The following WASL variants were observed in gnomAD, a reference collection of about 807,000 sequenced individuals.
WASL encodes WASP like actin nucleation promoting factor.
A neutral mutation model predicts 55.5 loss-of-function variants in WASL; 20 were observed. That is an observed-to-expected ratio of 0.36 (90% CI 0.25 to 0.52). The LOEUF is 0.52. WASL is among the 20% of genes least tolerant of loss of function. The pLI is 0.92. For synonymous variants in WASL, 249 were observed against 217.6 expected, an observed-to-expected ratio of 1.14 and a Z score of -1.27; for missense variants, 504 against 622.5, an observed-to-expected ratio of 0.81 and a Z score of 2.03.
rs78044335 is a variant in WASL, at chr7:123,717,574, T to C, written c.118-8351A>G. Among the ~76,000 whole-genome samples, 1,312 of 152,316 alleles carry C rather than the reference T, an allele frequency of 8.6e-3. 19 individuals are homozygous for C. Among genetic ancestry groups the C allele is most frequent in the African/African-American group, 0.03 (1,240 of 41,580 alleles). ...AGCTCCTGCTGGGTGTGACATACTATGATCCAACTACATGGACACTTCAGG... is the reference window on the plus strand; with the variant it reads ...AGCTCCTGCTGGGTGTGACATACTACGATCCAACTACATGGACACTTCAGG... On this transcript the variant is annotated intron_variant, in intron 1 of 10. Transcript: ENST00000223023.
chr7:123,704,577 C>A (rs1803638172), intron 5 of WASL, 57 bp downstream of exon 5: 4 of 1,370,816 alleles, frequency 2.9e-6, no homozygotes, highest in South Asian at 2.5e-5. Context: ...CATGTTTCCA[C>A]AAGGATTAAA....
chr7:123,695,718 TCAAA>T, intron 7 of WASL, 101 bp downstream of exon 7: 1 of 1,125,882 alleles, frequency 8.9e-7, no homozygotes, highest in Non-Finnish European at 1.3e-6. Flanking sequence ...ACAAGCACAT[TCAAA>T]CAGATACTAG....
chr7:123,693,196 A>G (rs1422063801), intron 8 of WASL, among the ~76,000 whole-genome samples: 1 of 152,218 alleles, frequency 6.6e-6, no homozygotes, highest in African/African-American at 2.4e-5. Flanking sequence ...TATACCAATG[A>G]AATTAAACAT....
At chr7:123,691,230 T>C (rs1267416294) in intron 9 of WASL, among the ~76,000 whole-genome samples, 1 of 152,140 alleles carries the variant, frequency 6.6e-6, no homozygotes, top group Non-Finnish European at 1.5e-5. Context: ...GTCGTCTCCA[T>C]TTACTTCACA....
At chr7:123,720,650 A>AT (rs374915810) in intron 1 of WASL, among the ~76,000 whole-genome samples, 13,896 of 137,448 alleles carry the variant, frequency 0.1, 841 homozygotes, top group South Asian at 0.15. Context: ...ACACTGTGGG[A>AT]TTTTTTTTTT....
chr7:123,733,913 C>CAAAAAAA (rs33913069), intron 1 of WASL, among the ~76,000 whole-genome samples: 5 of 110,798 alleles, frequency 4.5e-5, no homozygotes, highest in East Asian at 2.6e-4. Context: ...ATCCACGTGC[C>CAAAAAAA]AAAAAAAAAA....
chr7:123,725,015 A>T (rs949925046), intron 1 of WASL, among the ~76,000 whole-genome samples: 1 of 152,184 alleles, frequency 6.6e-6, no homozygotes, highest in Non-Finnish European at 1.5e-5. Context: ...AGCTTCCCCA[A>T]TAGAAGGAAG....
Position 123,700,217 on chromosome 7 carries a change from T to C in WASL, c.461-3470A>G, listed in dbSNP as rs1256382645. Among the ~76,000 whole-genome samples the C allele has an allele frequency of 2.2e-5, 3 of 135,444 alleles. No individual in the cohort carries two copies. In the East Asian group the frequency reaches 6.4e-4, roughly 29 times the overall value. The allele number at this position is 135,444 out of a possible 152,430, so 88.9% of individuals were successfully genotyped here. On this transcript the variant is annotated intron_variant, in intron 5 of 10. Transcript: ENST00000223023. Reference sequence around the variant, plus strand: ...AAAAAAAAAAAAAAAACAACATTATTTAAGTAAGACTATAAAGAAAAATCC... The same window carrying C: ...AAAAAAAAAAAAAAAACAACATTATCTAAGTAAGACTATAAAGAAAAATCC...
intron 7 of WASL, 114 bp downstream of exon 7, chr7:123,695,709 C>A (rs1295316872): frequency 2.0e-6 from 2 of 992,492 alleles, no homozygotes; most frequent in African/African-American, 1.6e-5. Flanking sequence ...ACATAAAACA[C>A]AAGCACATTC....
chr7:123,710,317 T>TA (rs1803735052), intron 1 of WASL, among the ~76,000 whole-genome samples: 1 of 149,540 alleles, frequency 6.7e-6, no homozygotes, highest in Non-Finnish European at 1.5e-5. Context: ...TAAATATATA[T>TA]TTTTTTAAAG....
intron 10 of WASL, among the ~76,000 whole-genome samples, 177 bp from the exon 11 acceptor site, chr7:123,684,757 A>C (rs1156656847): frequency 6.6e-6 from 1 of 152,040 alleles, no homozygotes; most frequent in Non-Finnish European, 1.5e-5. Context: ...AGAGTATGAT[A>C]GTAAACTAAA....
In WASL at chr7:123,715,250, G is replaced by A. The variant is rs906339973; in HGVS notation, c.118-6027C>T. Among the ~76,000 whole-genome samples the A allele has an allele frequency of 1.1e-4, 17 of 152,222 alleles. No homozygotes were observed. The East Asian group carries it at 2.9e-3, about 26-fold the overall frequency. Reference sequence around the variant, plus strand: ...GACACTGGTAAATGGAAGGAGAAGCGGGAATACTTGCACCTTGTAGCTTGC... The same window carrying A: ...GACACTGGTAAATGGAAGGAGAAGCAGGAATACTTGCACCTTGTAGCTTGC... On this transcript the variant is annotated intron_variant, in intron 1 of 10. Coordinates refer to ENST00000223023, the MANE Select transcript of WASL (RefSeq NM_003941.4).
In WASL at chr7:123,709,166, T is replaced by C. The variant is rs1803717950; in HGVS notation, c.175A>G (p.Lys59Glu). ...AGACAAGCAACACCACTGCACTTCT[T>C]TGACCACATACAGTTCCGATCTGCT... ...YAADRNCMWS[K>E]KCSGVACLVK... Residue 59 changes from lysine (K) to glutamate (E), a missense_variant, in exon 2 of 11, where the codon AAG (lysine) becomes GAG (glutamate). Lys to Glu is a moderately conservative substitution (Grantham distance 56, BLOSUM62 1). This residue lies in a region of WASL where 230 missense variants were observed against 271.9 expected (regional missense o/e 0.85). Coordinates refer to ENST00000223023, the MANE Select transcript of WASL (RefSeq NM_003941.4). 6.2e-7 allele frequency: 1 copy of C among 1,612,876 alleles called. No individual in the cohort carries two copies. Among genetic ancestry groups the C allele is most frequent in the South Asian group, 1.1e-5 (1 of 90,942 alleles).
At chr7:123,739,876 ATG>A (rs745649691) in intron 1 of WASL, among the ~76,000 whole-genome samples, 21,861 of 115,190 alleles carry the variant, frequency 0.19, 1,722 homozygotes, top group Non-Finnish European at 0.24. Flanking sequence ...ACATTTATAT[ATG>A]TGTGTGTGTG....
intron 1 of WASL, among the ~76,000 whole-genome samples, chr7:123,716,216 TTTTATTTA>T (rs1238362876): frequency 6.6e-6 from 1 of 152,002 alleles, no homozygotes; most frequent in African/African-American, 2.4e-5. Context: ...TTATTTTTAT[TTTTATTTA>T]TTTATTTAGA....
In WASL at chr7:123,709,147, G is replaced by A. The variant is rs1803717690; in HGVS notation, c.194C>T (p.Ala65Val). The A allele has an allele frequency of 1.2e-6, 2 of 1,612,884 alleles. No individual in the cohort carries two copies. Among genetic ancestry groups the A allele is most frequent in the Non-Finnish European group, 8.5e-7 (1 of 1,179,220 alleles). ...CTGTGGATTGTCCTTAACAAGACAAGCAACACCACTGCACTTCTTTGACCA... is the reference window on the plus strand; with the variant it reads ...CTGTGGATTGTCCTTAACAAGACAAACAACACCACTGCACTTCTTTGACCA... ...CMWSKKCSGVACLVKDNPQRS... is the reference protein window; with the variant it reads ...CMWSKKCSGVVCLVKDNPQRS... The change falls in exon 2 of 11, where the codon GCT (alanine) becomes GTT (valine). Residue 65 changes from alanine (A) to valine (V), a missense_variant. This residue lies in a region of WASL where 230 missense variants were observed against 271.9 expected (regional missense o/e 0.85). Coordinates refer to ENST00000223023, the MANE Select transcript of WASL (RefSeq NM_003941.4).
Position 123,729,257 on chromosome 7 carries a change from AT to A in WASL, c.117+19360del, listed in dbSNP as rs200630495. On this transcript the variant is annotated intron_variant, in intron 1 of 10. Transcript: ENST00000223023. ...ATCAATATTAAATGAAATAGTTTAC[AT>A]TTTTTTTTGCACTAAGTCTTAGAAA... Among the ~76,000 whole-genome samples, 691 of 151,064 alleles carry A rather than the reference AT, an allele frequency of 4.6e-3. 1 individual carries two copies. The highest frequency in any genetic ancestry group is 6.2e-3 in the Non-Finnish European group (419 of 67,636).
At position 123,683,248 on chromosome 7, in the gene WASL, T is replaced by C. The variant is rs538019215; in HGVS notation, c.*1271A>G. On this transcript the variant is annotated 3_prime_UTR_variant, in exon 11 of 11. Coordinates refer to ENST00000223023, the MANE Select transcript of WASL (RefSeq NM_003941.4). ...ATTTAAAGTAGGTAGGTATGATAAT[T>C]AGCATTATAAATATGAAACAACCAC... 2.0e-4 allele frequency: 31 copies of C among 152,168 alleles called. 2 individuals carry two copies. The South Asian group carries it at 6.0e-3, about 29-fold the overall frequency. 9.4% of individuals were successfully genotyped at this position (152,168 alleles called of 1,614,324 possible). A position where few individuals can be genotyped will look rare whatever the true frequency, so the allele number is the denominator to read the frequency against.
At chr7:123,738,646 T>C (rs757582797) in intron 1 of WASL, among the ~76,000 whole-genome samples, 1 of 152,234 alleles carries the variant, frequency 6.6e-6, no homozygotes, top group Non-Finnish European at 1.5e-5. Flanking sequence ...CAATTGGTAG[T>C]GGTTGCCTCT....
Sources: allele counts gnomAD v4.1 joint callset (sites outside exome capture counted in the v4.1 genomes callset), GRCh38; gene constraint gnomAD v4.1.1; regional missense constraint gnomAD v4.1.1; transcripts MANE v1.5; gene names NCBI Gene and HGNC (gene_info 2026-07-23, HGNC 2026-07-21).